Variants in CNKSR2 observed in about 807,000 individuals in gnomAD.
The protein encoded by CNKSR2 is CNK homolog protein 2.
Under a neutral mutation model 84.4 loss-of-function variants are expected in CNKSR2, and 14 were observed. The ratio of observed to expected loss-of-function variants is 0.17; its 90% CI spans 0.11 to 0.26. CNKSR2 has a LOEUF of 0.26. Among genes scored for constraint, CNKSR2 ranks in the 10% least tolerant of loss-of-function variants. The probability of loss-of-function intolerance (pLI) is 1.00; values close to 1 mark genes in which losing one functional copy is unlikely to be tolerated. For synonymous variants in CNKSR2, 275 were observed against 277.9 expected (o/e 0.99, Z 0.10); for missense variants, 485 against 771.2 (o/e 0.63, Z 4.40).
At chrX:21,648,782 C>G in intron 20 of CNKSR2, 49 bp from the exon 21 acceptor site, 1 of 890,661 alleles carries the variant, frequency 1.1e-6, no homozygotes, top group South Asian at 2.7e-5. Flanking sequence ...CTCTCTCTCT[C>G]TCTCTCTCTT....
intron 11 of CNKSR2, among the ~76,000 whole-genome samples, chrX:21,548,502 G>T (rs917849351): frequency 8.1e-5 from 9 of 111,698 alleles, no homozygotes; most frequent in Non-Finnish European, 7.5e-5. Context: ...ACAAAGAGGA[G>T]CTGGTACCAT....
At chrX:21,544,771 C>G (rs2092007559) in intron 11 of CNKSR2, among the ~76,000 whole-genome samples, 1 of 111,169 alleles carries the variant, frequency 9.0e-6, no homozygotes, top group African/African-American at 3.3e-5. Flanking sequence ...TCGCCTCACC[C>G]TGGAAGCACA....
At chrX:21,620,567 C>A (rs1034942444) in intron 20 of CNKSR2, among the ~76,000 whole-genome samples, 3 of 110,753 alleles carry the variant, frequency 2.7e-5, no homozygotes, top group African/African-American at 9.8e-5. Context: ...ATTTTAAAGA[C>A]TCGGAACTCC....
intron 17 of CNKSR2, among the ~76,000 whole-genome samples, chrX:21,598,405 G>C (rs1273951080): frequency 9.0e-6 from 1 of 110,850 alleles, no homozygotes; most frequent in East Asian, 2.8e-4. Flanking sequence ...TTCTCTCATG[G>C]TTCTTTCTCT....
intron 13 of CNKSR2, among the ~76,000 whole-genome samples, chrX:21,578,507 C>T (rs2092333553): frequency 1.9e-5 from 2 of 107,551 alleles, no homozygotes; most frequent in African/African-American, 6.8e-5. Flanking sequence ...ATTTCTGAAC[C>T]TCAGTTTCTC....
chrX:21,607,079 A>G (rs1289824624), intron 19 of CNKSR2, among the ~76,000 whole-genome samples, 200 bp downstream of exon 19: 2 of 111,969 alleles, frequency 1.8e-5, no homozygotes, highest in Admixed American at 9.5e-5. Context: ...GTCATTACAG[A>G]TTCCAGGCAG....
intron 1 of CNKSR2, among the ~76,000 whole-genome samples, chrX:21,409,260 A>G (rs941095561): frequency 3.6e-5 from 3 of 82,439 alleles, no homozygotes; most frequent in Non-Finnish European, 7.1e-5. Context: ...ATATATATAT[A>G]TATATATATA....
At chrX:21,627,514 C>A (rs896371511) in intron 20 of CNKSR2, among the ~76,000 whole-genome samples, 2 of 111,042 alleles carry the variant, frequency 1.8e-5, no homozygotes, top group Admixed American at 9.6e-5. Flanking sequence ...AAAAGACATA[C>A]CTGAGACTGG....
At chrX:21,454,023 C>G (rs1283037914) in intron 4 of CNKSR2, among the ~76,000 whole-genome samples, 1 of 111,708 alleles carries the variant, frequency 9.0e-6, no homozygotes, top group Non-Finnish European at 1.9e-5. Flanking sequence ...GACACAAGTC[C>G]AAACCATATC....
At chrX:21,576,770 A>C (rs2147220668) in intron 13 of CNKSR2, among the ~76,000 whole-genome samples, 1 of 111,890 alleles carries the variant, frequency 8.9e-6, no homozygotes, top group African/African-American at 3.2e-5. Context: ...TCCTCAAAAC[A>C]TACAAACTGC....
chrX:21,588,247 T>G (rs897403505), intron 13 of CNKSR2, among the ~76,000 whole-genome samples: 1 of 111,888 alleles, frequency 8.9e-6, no homozygotes, highest in Non-Finnish European at 1.9e-5. Context: ...TTCTTATCAG[T>G]ATAGGGAACT....
chrX:21,627,776 A>G (rs1419664457), intron 20 of CNKSR2, among the ~76,000 whole-genome samples: 2 of 111,475 alleles, frequency 1.8e-5, no homozygotes, highest in African/African-American at 6.5e-5. Flanking sequence ...CCCACAACCC[A>G]TGGGAATAAT....
chrX:21,387,799 C>T (rs2089991142), intron 1 of CNKSR2, among the ~76,000 whole-genome samples: 1 of 111,047 alleles, frequency 9.0e-6, no homozygotes, highest in Admixed American at 9.5e-5. Context: ...ACTAAAATGC[C>T]CTTATTGTAA....
Position 21,637,199 on chromosome X carries a change from A to G in CNKSR2, c.2693-11632A>G, listed in dbSNP as rs969415175. On this transcript the variant is annotated intron_variant, in intron 20 of 21. Coordinates refer to ENST00000379510, the MANE Select transcript of CNKSR2 (RefSeq NM_014927.5). ...ATAAATGGCACTCTAAGGTCATAATATAACAGTAGGTGGATTAAGATGAAA... is the reference window on the plus strand; with the variant it reads ...ATAAATGGCACTCTAAGGTCATAATGTAACAGTAGGTGGATTAAGATGAAA... 3 of 111,701 alleles carry G rather than the reference A, an allele frequency of 2.7e-5. No homozygotes were observed. In the Admixed American group the frequency reaches 2.9e-4, roughly 11 times the overall value. The allele number at this position is 111,701 out of a possible 1,213,427, so 9.2% of individuals were successfully genotyped here.
At chrX:21,624,430 C>T (rs182424307) in intron 20 of CNKSR2, among the ~76,000 whole-genome samples, 1 of 111,741 alleles carries the variant, frequency 8.9e-6, no homozygotes, top group East Asian at 2.8e-4. Context: ...AATCATAATT[C>T]CTGTGGATAA....
chrX:21,399,551 G>C (rs144938265), intron 1 of CNKSR2, among the ~76,000 whole-genome samples: 3 of 111,369 alleles, frequency 2.7e-5, no homozygotes, highest in Non-Finnish European at 3.8e-5. Flanking sequence ...ATGTTGCTAC[G>C]TACTTAGATG....
At chrX:21,577,962 T>C (rs190177002) in intron 13 of CNKSR2, among the ~76,000 whole-genome samples, 1 of 111,544 alleles carries the variant, frequency 9.0e-6, no homozygotes, top group African/African-American at 3.2e-5. Context: ...TCTAGTTTTT[T>C]AAAGATAAAT....
At chrX:21,645,356 G>A (rs1461659358) in intron 20 of CNKSR2, 1 of 112,099 alleles carries the variant, frequency 8.9e-6, no homozygotes, top group Non-Finnish European at 1.9e-5. Context: ...TCAAAAGTAT[G>A]TAATCTGACA....
chrX:21,541,660 G>A (rs2091978194), intron 11 of CNKSR2, among the ~76,000 whole-genome samples: 1 of 111,861 alleles, frequency 8.9e-6, no homozygotes, highest in African/African-American at 3.3e-5. Flanking sequence ...AGGACTTACT[G>A]TAATACCTGT....
Sources: allele counts gnomAD v4.1 joint callset (sites outside exome capture counted in the v4.1 genomes callset), GRCh38; gene constraint gnomAD v4.1.1; transcripts MANE v1.5; gene names NCBI Gene and HGNC (gene_info 2026-07-23, HGNC 2026-07-21).